The following TTN variants were observed in gnomAD, a reference collection of about 807,000 sequenced individuals.
TTN encodes titin.
In TTN, 1,525 loss-of-function variants were observed where a neutral mutation model predicts 3,223.0. The observed-to-expected ratio is 0.47, with a 90% CI of 0.45 to 0.49. TTN has a LOEUF of 0.49. TTN is among the 20% of genes least tolerant of loss of function. TTN has a pLI of 0.00. For synonymous variants in TTN, 14,094 were observed against 15,161.0 expected (o/e 0.93, Z 5.17); for missense variants, 40,786 against 43,424.0 (o/e 0.94, Z 5.40).
chr2:178,647,343 A>G lies in TTN; in HGVS notation c.40141+38T>C, dbSNP rs927302882. ...CAATCAAAGCAAGAGGATGAAGACA[A>G]TTGTCATCTTTCCAAGATTTATGGA... On this transcript the variant is annotated intron_variant, in intron 214 of 362. Transcript: ENST00000589042. The G allele has an allele frequency of 4.5e-6, 7 of 1,542,230 alleles. No individual in the cohort carries two copies. In the African/African-American group the frequency reaches 6.9e-5, roughly 15 times the overall value.
In TTN at chr2:178,532,310, C is replaced by T; in HGVS notation, c.104305G>A (p.Glu34769Lys). 6.2e-7 allele frequency: 1 copy of T among 1,614,042 alleles called. No individual in the cohort carries two copies. The highest frequency in any genetic ancestry group is 8.5e-7 in the Non-Finnish European group (1 of 1,179,888). Residue 34769 changes from glutamate to lysine, a missense_variant, in exon 358 of 363, where the codon GAG (glutamate) becomes AAG (lysine). By Grantham distance (56) the Glu-to-Lys change is moderately conservative. Transcript: ENST00000589042. ...ACTGGGCGAAGCAACTCTTCATCCT[C>T]CCTCTCAGCCATGATTCTTTGCCGT... The part of the protein sequence containing the change: ...KQRQRIMAER[E>K]DEELLRPVTT...
In TTN at chr2:178,653,027, C is replaced by A. The variant is rs763548807; in HGVS notation, c.38875+14G>T. 3 of 1,609,124 alleles carry A rather than the reference C, an allele frequency of 1.9e-6. No homozygotes were observed. Among genetic ancestry groups the A allele is most frequent in the East Asian group, 2.2e-5 (1 of 44,574 alleles). Reference sequence around the variant, plus strand: ...GAGTTCAGTCTTCTGAAGCCTAAAGCCAGTGACAAATACCTTTAACAGGTG... The same window carrying A: ...GAGTTCAGTCTTCTGAAGCCTAAAGACAGTGACAAATACCTTTAACAGGTG... On this transcript the variant is annotated intron_variant, in intron 199 of 362. Coordinates refer to ENST00000589042, the MANE Select transcript of TTN (RefSeq NM_001267550.2).
Position 178,568,977 on chromosome 2 carries a change from A to G in TTN, c.77155T>C (p.Trp25719Arg). ...CCACCATCATGTTCAGGTTTTGTCCAACTCAGAGAGACACTGTTTCTGGTG... is the reference window on the plus strand; with the variant it reads ...CCACCATCATGTTCAGGTTTTGTCCGACTCAGAGAGACACTGTTTCTGGTG... ...DVTRNSVSLS[W>R]TKPEHDGGSK... The change falls in exon 326 of 363, where the codon TGG becomes CGG. Residue 25719 changes from tryptophan (W) to arginine (R), a missense_variant. By Grantham distance (101) the Trp-to-Arg change is moderately radical. Coordinates refer to ENST00000589042, the MANE Select transcript of TTN (RefSeq NM_001267550.2). 6.2e-7 allele frequency: 1 copy of G among 1,613,430 alleles called. No homozygotes were observed. Among genetic ancestry groups the G allele is most frequent in the Non-Finnish European group, 8.5e-7 (1 of 1,179,578 alleles).
At chr2:178,786,328 A>T (rs1297305929) in intron 13 of TTN, among the ~76,000 whole-genome samples, 187 bp from the exon 14 acceptor site, 3 of 152,184 alleles carry the variant, frequency 2.0e-5, no homozygotes, top group African/African-American at 4.8e-5. Flanking sequence ...ATCTATTTAG[A>T]TATACTCTCT....
At chr2:178,682,311 C>T (rs1258668401) in intron 135 of TTN, among the ~76,000 whole-genome samples, 1 of 151,868 alleles carries the variant, frequency 6.6e-6, no homozygotes, top group African/African-American at 2.4e-5. Flanking sequence ...TATCATACTC[C>T]GTAATAGCAA....
intron 143 of TTN, 29 bp from the exon 144 acceptor site, chr2:178,678,526 T>G (rs2068610912): frequency 6.7e-7 from 1 of 1,502,944 alleles, no homozygotes; most frequent in South Asian, 1.3e-5. Context: ...GAGAAAAATT[T>G]TATACGACAT....
Position 178,704,453 on chromosome 2 carries a change from A to T in TTN, c.29963-46T>A, listed in dbSNP as rs755219012. 1.0e-5 allele frequency: 16 copies of T among 1,601,660 alleles called. No individual in the cohort carries two copies. In the East Asian group the frequency reaches 3.4e-4, roughly 34 times the overall value. On this transcript the variant is annotated intron_variant, in intron 105 of 362. Transcript: ENST00000589042. ...GCATTTTGTTCAATATCACACGCAG[A>T]TGTGCTCAACAGTAATTTAAATCTC...
Position 178,541,499 on chromosome 2 carries a change from G to A in TTN, c.97578C>T (p.Asp32526=), listed in dbSNP as rs142907833. Residue 32526 remains aspartate, a synonymous_variant, in exon 350 of 363, where the codon GAC becomes GAT. Coordinates refer to ENST00000589042, the MANE Select transcript of TTN (RefSeq NM_001267550.2). ...TATATCCAGTCACTTGGGAGCCACCGTCATCCTCTGGTGGGTACCAAGTAA... is the reference window on the plus strand; with the variant it reads ...TATATCCAGTCACTTGGGAGCCACCATCATCCTCTGGTGGGTACCAAGTAA... ...MTLTWYPPED[D]GGSQVTGYIV... is the part of the protein sequence containing the mutation. 97 of 1,613,300 alleles carry A rather than the reference G, an allele frequency of 6.0e-5. No homozygotes were observed. The African/African-American group carries it at 1.1e-3, about 18-fold the overall frequency.
At position 178,567,785 on chromosome 2, in the gene TTN, C is replaced by G. The variant is rs1471014707; in HGVS notation, c.78347G>C (p.Gly26116Ala). ...TLQWTKPVYD[G>A]GSMITGYIVE... ...AATGTAGCCTGTAATCATACTTCCA[C>G]CATCATACACAGGTTTGGTCCACTG... is the stretch of plus-strand genomic sequence containing the variant. The change falls in exon 326 of 363, where the codon GGT (glycine) becomes GCT (alanine). Residue 26116 changes from glycine (G) to alanine (A), a missense_variant. Coordinates refer to ENST00000589042, the MANE Select transcript of TTN (RefSeq NM_001267550.2). 3 of 1,613,490 alleles carry G rather than the reference C, an allele frequency of 1.9e-6. No individual in the cohort carries two copies. The highest frequency in any genetic ancestry group is 2.5e-6 in the Non-Finnish European group (3 of 1,179,592).
Position 178,562,781 on chromosome 2 carries a change from G to T in TTN, c.83351C>A (p.Thr27784Lys). ...TIREVKKDSV[T>K]LSWEPPLIDG... ...AATAAGTGGTGGTTCCCAGGACAAC[G>T]TCACTGAGTCTTTCTTCACTTCTCT... The change falls in exon 326 of 363, where the codon ACG (threonine) becomes AAG (lysine). Residue 27784 changes from threonine (T) to lysine (K), a missense_variant. Transcript: ENST00000589042. 1 of 1,613,306 alleles carries T rather than the reference G, an allele frequency of 6.2e-7. No homozygotes were observed. The highest frequency in any genetic ancestry group is 8.5e-7 in the Non-Finnish European group (1 of 1,179,634).
chr2:178,678,155 G>A lies in TTN; in HGVS notation c.33964C>T (p.Pro11322Ser). The A allele has an allele frequency of 6.2e-7, 1 of 1,611,114 alleles. No individual in the cohort carries two copies. Among genetic ancestry groups the A allele is most frequent in the Non-Finnish European group, 8.5e-7 (1 of 1,178,892 alleles). ...IPEEKKPTPV[P>S]KKVEAPPPKV... is the part of the protein sequence containing the mutation. The stretch of plus-strand genomic sequence containing the variant: ...GGTGGTGGTGCTTCCACTTTTTTCG[G>A]AACAGGTGTTGGTTTCTTTTCTTCT... Residue 11322 changes from proline to serine, a missense_variant, in exon 145 of 363, where the codon CCG becomes TCG. By Grantham distance (74) the Pro-to-Ser change is moderately conservative (BLOSUM62 -1). Coordinates refer to ENST00000589042, the MANE Select transcript of TTN (RefSeq NM_001267550.2).
At position 178,779,407 on chromosome 2, in the gene TTN, A is replaced by G. The variant is rs752505720; in HGVS notation, c.3785T>C (p.Ile1262Thr). ...ERLIKEIEYRIIKTTLEELLE... is the reference protein window; with the variant it reads ...ERLIKEIEYRTIKTTLEELLE... ...AAGTTCTTCTAATGTAGTCTTTATT[A>G]TTCTATATTCAATTTCTTTAATAAG... Residue 1262 changes from isoleucine to threonine, a missense_variant, in exon 23 of 363, where the codon ATA (isoleucine) becomes ACA (threonine). Transcript: ENST00000589042. 9 of 1,583,080 alleles carry G rather than the reference A, an allele frequency of 5.7e-6. No individual in the cohort carries two copies. The highest frequency in any genetic ancestry group is 5.0e-5 in the Admixed American group (3 of 59,600).
Position 178,695,972 on chromosome 2 carries a change from C to T in TTN, c.31100G>A (p.Gly10367Glu). ...TTCTTCCCTTTCATAGTATTCTTGCCCTTCTTCAAAATCTTCTTCCCATTC... is the reference window on the plus strand; with the variant it reads ...TTCTTCCCTTTCATAGTATTCTTGCTCTTCTTCAAAATCTTCTTCCCATTC... The part of the protein sequence containing the change: ...HEEWEEDFEE[G>E]QEYYEREEGY... Residue 10367 changes from glycine to glutamate, a missense_variant, in exon 114 of 363, where the codon GGG becomes GAG. Gly to Glu is a moderately conservative substitution (Grantham distance 98). Coordinates refer to ENST00000589042, the MANE Select transcript of TTN (RefSeq NM_001267550.2). 3.9e-6 allele frequency: 6 copies of T among 1,545,116 alleles called. No homozygotes were observed. The highest frequency in any genetic ancestry group is 5.2e-6 in the Non-Finnish European group (6 of 1,144,544).
chr2:178,663,756 C>G (rs771769213), intron 170 of TTN, 46 bp from the exon 171 acceptor site: 6 of 1,611,066 alleles, frequency 3.7e-6, no homozygotes, highest in South Asian at 1.1e-5. Context: ...ATGAAGACCA[C>G]TGGAAAAAAT....
rs754674270 is a variant in TTN, at chr2:178,566,450, A to G, written c.79682T>C (p.Ile26561Thr). ...AACTTTGTTGAGGGCACAGACTCGT[A>G]TTTTATACTCTTGGTGTTCAGTGAG... ...SKLTEHQEYK[I>T]RVCALNKVGL... The change falls in exon 326 of 363, where the codon ATA becomes ACA. Residue 26561 changes from isoleucine to threonine, a missense_variant. Transcript: ENST00000589042. The G allele has an allele frequency of 6.2e-7, 1 of 1,613,448 alleles. No homozygotes were observed. The highest frequency in any genetic ancestry group is 1.3e-5 in the African/African-American group (1 of 75,014).
intron 94 of TTN, 30 bp downstream of exon 94, chr2:178,712,667 G>T (rs570246025): frequency 2.5e-6 from 4 of 1,607,554 alleles, no homozygotes; most frequent in Non-Finnish European, 3.4e-6. Flanking sequence ...ATTACTAATC[G>T]TATAAATCTA....
rs570797774 is a variant in TTN, at chr2:178,552,967, C to T, written c.89933G>A (p.Arg29978Lys). 1.2e-6 allele frequency: 2 copies of T among 1,612,928 alleles called. No homozygotes were observed. Among genetic ancestry groups the T allele is most frequent in the Non-Finnish European group, 1.7e-6 (2 of 1,179,794 alleles). The change falls in exon 335 of 363, where the codon AGA (arginine) becomes AAA (lysine). Residue 29978 changes from arginine (R) to lysine (K), a missense_variant. Arg to Lys is a conservative substitution (Grantham distance 26). Coordinates refer to ENST00000589042, the MANE Select transcript of TTN (RefSeq NM_001267550.2). ...YVIEKRDATK[R>K]TWSVVSHKCS... ...TTTGTGTGACACGACAGACCATGTTCTCTTGGTGGCATCTCTCTTTTCAAT... is the reference window on the plus strand; with the variant it reads ...TTTGTGTGACACGACAGACCATGTTTTCTTGGTGGCATCTCTCTTTTCAAT...
chr2:178,587,592 A>G lies in TTN; in HGVS notation c.63717T>C (p.Asp21239=). The change falls in exon 306 of 363, where the codon GAT becomes GAC. Residue 21239 remains aspartate, a synonymous_variant. Transcript: ENST00000589042. ...AFLVIPNSTR[D]DSGKYSLTLV... is the part of the protein sequence containing the mutation. Reference sequence around the variant, plus strand: ...GTGTTAAGGAATATTTTCCTGAGTCATCACGGGTAGAATTGGGGATGACAA... The same window carrying G: ...GTGTTAAGGAATATTTTCCTGAGTCGTCACGGGTAGAATTGGGGATGACAA... 6.2e-7 allele frequency: 1 copy of G among 1,612,602 alleles called. No individual in the cohort carries two copies. Among genetic ancestry groups the G allele is most frequent in the Non-Finnish European group, 8.5e-7 (1 of 1,179,340 alleles).
chr2:178,713,548 A>T (rs1414933337), intron 92 of TTN, among the ~76,000 whole-genome samples, 176 bp from the exon 93 acceptor site: 1 of 152,098 alleles, frequency 6.6e-6, no homozygotes, highest in Admixed American at 6.6e-5. Context: ...AAGCTTGGAG[A>T]ATCAGTGGGC....
Sources: allele counts gnomAD v4.1 joint callset (sites outside exome capture counted in the v4.1 genomes callset), GRCh38; gene constraint gnomAD v4.1.1; transcripts MANE v1.5; gene names NCBI Gene and HGNC (gene_info 2026-07-23, HGNC 2026-07-21).